The following COL3A1 variants were observed in gnomAD, a reference collection of about 807,000 sequenced individuals.
COL3A1 encodes the protein collagen type III alpha 1 chain.
Under a neutral mutation model 200.9 loss-of-function variants are expected in COL3A1, and 46 were observed. That is an observed-to-expected ratio of 0.23 (90% CI 0.18 to 0.29). The LOEUF is 0.29. COL3A1 is among the 10% of genes least tolerant of loss of function. The probability of loss-of-function intolerance (pLI) is 1.00; values close to 1 mark genes in which losing one functional copy is unlikely to be tolerated. For missense variants in COL3A1, 1,367 were observed against 1,917.6 expected (o/e 0.71, Z 5.36); for synonymous variants, 650 against 628.0 (o/e 1.03, Z -0.52).
chr2:188,979,800 A>G (rs1365953993), intron 1 of COL3A1, among the ~76,000 whole-genome samples: 1 of 151,822 alleles, frequency 6.6e-6, no homozygotes, highest in Non-Finnish European at 1.5e-5. Context: ...GAAAGAAAAT[A>G]GAATGCAGTA....
chr2:188,999,651 A>G, intron 31 of COL3A1, 74 bp downstream of exon 31: 2 of 1,498,122 alleles, frequency 1.3e-6, no homozygotes, highest in Non-Finnish European at 1.9e-6. Flanking sequence ...CACTCCTGGA[A>G]AGTAATCGAC....
At chr2:188,989,322 A>G (rs1483039048) in intron 7 of COL3A1, 74 bp from the exon 8 acceptor site, 3 of 1,091,936 alleles carry the variant, frequency 2.7e-6, no homozygotes, top group African/African-American at 3.2e-5. Context: ...TTCCAGGAAT[A>G]CATACACTGT....
At chr2:188,987,993 T>TA in intron 5 of COL3A1, 88 bp from the exon 6 acceptor site, 1 of 992,646 alleles carries the variant, frequency 1.0e-6, no homozygotes, top group Non-Finnish European at 1.6e-6. Context: ...TTCATAGTTT[T>TA]AACAATGCGA....
chr2:188,999,904 T>C lies in COL3A1; in HGVS notation c.2283+9T>C. On this transcript the variant is annotated intron_variant, in intron 32 of 50. Coordinates refer to ENST00000304636, the MANE Select transcript of COL3A1 (RefSeq NM_000090.4). ...GGAAAGATGGCCCAAGGGTGAGTAT[T>C]CCCAGTGAGGAGAAGCAGGCCTTAT... The C allele has an allele frequency of 6.3e-7, 1 of 1,584,646 alleles. No individual in the cohort carries two copies. Among genetic ancestry groups the C allele is most frequent in the Non-Finnish European group, 8.6e-7 (1 of 1,166,052 alleles).
rs775636888 is a variant in COL3A1, at chr2:188,984,938, A to T, written c.258A>T (p.Ala86=). The change falls in exon 2 of 51, where the codon GCA becomes GCT. Residue 86 remains alanine (A), a synonymous_variant. Coordinates refer to ENST00000304636, the MANE Select transcript of COL3A1 (RefSeq NM_000090.4). Reference sequence around the variant, plus strand: ...AAATTCCATTTGGAGAATGTTGTGCAGTTTGCCCACAGCCTCCAACTGCTG... The same window carrying T: ...AAATTCCATTTGGAGAATGTTGTGCTGTTTGCCCACAGCCTCCAACTGCTG... The part of the protein sequence containing the change: ...NPEIPFGECC[A]VCPQPPTAPT... 1 of 1,613,080 alleles carries T rather than the reference A, an allele frequency of 6.2e-7. No homozygotes were observed. Among genetic ancestry groups the T allele is most frequent in the Non-Finnish European group, 8.5e-7 (1 of 1,179,386 alleles).
intron 43 of COL3A1, 65 bp from the exon 44 acceptor site, chr2:189,006,872 G>A (rs1292714262): frequency 1.2e-5 from 18 of 1,524,862 alleles, no homozygotes; most frequent in South Asian, 2.3e-5. Context: ...TTTTGAAAAC[G>A]AAATTGTGTC....
chr2:188,986,946 C>A, intron 4 of COL3A1, 113 bp from the exon 5 acceptor site: 1 of 889,806 alleles, frequency 1.1e-6, no homozygotes, highest in African/African-American at 1.6e-5. Context: ...CATCTTTTGG[C>A]ACACAAAAAC....
At chr2:188,989,273 TATC>T in intron 7 of COL3A1, 120 bp from the exon 8 acceptor site, 2 of 684,012 alleles carry the variant, frequency 2.9e-6, no homozygotes, top group Non-Finnish European at 5.0e-6. Context: ...TCATTTTCAT[TATC>T]AGAAACATTA....
intron 50 of COL3A1, among the ~76,000 whole-genome samples, chr2:189,011,399 A>G (rs1164988154): frequency 6.6e-6 from 1 of 152,220 alleles, no homozygotes; most frequent in Admixed American, 6.5e-5. Flanking sequence ...GTCTATAGCA[A>G]TTGCCCTGCT....
At chr2:188,998,963 G>A (rs1329169046) in intron 29 of COL3A1, among the ~76,000 whole-genome samples, 3 of 152,138 alleles carry the variant, frequency 2.0e-5, no homozygotes, top group Non-Finnish European at 2.9e-5. Context: ...AATTTCAAAC[G>A]GAAAAATATT....
chr2:189,000,164 C>A (rs921322872), intron 32 of COL3A1, among the ~76,000 whole-genome samples: 2 of 152,094 alleles, frequency 1.3e-5, no homozygotes, highest in African/African-American at 4.8e-5. Flanking sequence ...CTGAGATAAT[C>A]ACTGAAATTT....
At chr2:188,980,140 A>G (rs1687919221) in intron 1 of COL3A1, among the ~76,000 whole-genome samples, 1 of 151,688 alleles carries the variant, frequency 6.6e-6, no homozygotes, top group Non-Finnish European at 1.5e-5. Context: ...TATTTATAAG[A>G]CTATACAATT....
Position 189,003,440 on chromosome 2 carries a change from T to A in COL3A1, c.2583T>A (p.Gly861=). 6.2e-7 allele frequency: 1 copy of A among 1,613,964 alleles called. No homozygotes were observed. Among genetic ancestry groups the A allele is most frequent in the Non-Finnish European group, 8.5e-7 (1 of 1,179,904 alleles). Residue 861 remains glycine, a synonymous_variant, in exon 37 of 51, where the codon GGT becomes GGA. Coordinates refer to ENST00000304636, the MANE Select transcript of COL3A1 (RefSeq NM_000090.4). ...AGPPGPQGVK[G]ERGSPGGPGA... Reference sequence around the variant, plus strand: ...CTCCTGGTCCCCAAGGTGTCAAAGGTGAACGTGGCAGTCCTGGTGGACCTG... The same window carrying A: ...CTCCTGGTCCCCAAGGTGTCAAAGGAGAACGTGGCAGTCCTGGTGGACCTG...
At position 188,994,705 on chromosome 2, in the gene COL3A1, C is replaced by T; in HGVS notation, c.1348-19C>T. 6 of 1,604,400 alleles carry T rather than the reference C, an allele frequency of 3.7e-6. No homozygotes were observed. Among genetic ancestry groups the T allele is most frequent in the Non-Finnish European group, 3.4e-6 (4 of 1,173,332 alleles). On this transcript the variant is annotated intron_variant, in intron 19 of 50. Coordinates refer to ENST00000304636, the MANE Select transcript of COL3A1 (RefSeq NM_000090.4). This position sits in a 1 kb window ranked among gnomAD's most constrained non-coding sequence, Gnocchi z 4.5. ...TTCAGTCATAATTTCTTTATTTTAC[C>T]ATCTTTTTTTTTTTTCAGGGTGAGG...
rs752779311 is a variant in COL3A1 at position 188,999,941 on chromosome 2, A to G, written c.2283+46A>G. The G allele has an allele frequency of 4.5e-6, 7 of 1,546,912 alleles. 1 individual carries two copies. The East Asian group carries it at 1.4e-4, about 31-fold the overall frequency. On this transcript the variant is annotated intron_variant, in intron 32 of 50. Coordinates refer to ENST00000304636, the MANE Select transcript of COL3A1 (RefSeq NM_000090.4). ...GAAGCAGGCCTTATCTATATGTCAT[A>G]TGGGACAGTCCTGCACTTCAACTTT...
Position 188,987,104 on chromosome 2 carries a change from G to C in COL3A1, c.493G>C (p.Ala165Pro). ...YDSYDVKSGV[A>P]VGGLAGYPGP... is the part of the protein sequence containing the mutation. ...TTCATATGATGTCAAGTCTGGAGTA[G>C]CAGTAGGAGGACTCGCAGGCTATCC... Residue 165 changes from alanine (A) to proline (P), a missense_variant, in exon 5 of 51, where the codon GCA becomes CCA. This residue lies in a region of COL3A1 where 462 missense variants were observed against 681.4 expected (regional missense o/e 0.68). Transcript: ENST00000304636. The C allele has an allele frequency of 6.2e-7, 1 of 1,613,066 alleles. No homozygotes were observed. Among genetic ancestry groups the C allele is most frequent in the Non-Finnish European group, 8.5e-7 (1 of 1,179,276 alleles).
rs773761078 is a variant in COL3A1 at position 189,001,429 on chromosome 2, A to G, written c.2316A>G (p.Pro772=). Residue 772 remains proline, a synonymous_variant, in exon 33 of 51, where the codon CCA becomes CCG. Transcript: ENST00000304636. The part of the protein sequence containing the change: ...GPTGPIGPPG[P]AGQPGDKGEG... ...CTGGTCCTATTGGTCCTCCTGGCCC[A>G]GCTGGCCAGCCTGGAGATAAGGTAA... 3 of 1,614,024 alleles carry G rather than the reference A, an allele frequency of 1.9e-6. No homozygotes were observed. Among genetic ancestry groups the G allele is most frequent in the Non-Finnish European group, 2.5e-6 (3 of 1,179,876 alleles).
chr2:188,983,319 C>T (rs1278084064), intron 1 of COL3A1, among the ~76,000 whole-genome samples: 2 of 151,860 alleles, frequency 1.3e-5, no homozygotes, highest in African/African-American at 4.8e-5. Context: ...ATTTTTAAAA[C>T]TTCTTGAGTA....
rs774146040 is a variant in COL3A1, at chr2:188,996,420, G to A, written c.1685G>A (p.Arg562Gln). ...GPPGSQGESGRPGPPGPSGPR... is the reference protein window; with the variant it reads ...GPPGSQGESGQPGPPGPSGPR... ...TAGGGAAGTCAAGGAGAAAGTGGTC[G>A]ACCAGGTCCTCCTGGGCCATCTGGT... Residue 562 changes from arginine to glutamine, a missense_variant, in exon 24 of 51, where the codon CGA (arginine) becomes CAA (glutamine). Arg to Gln is a conservative substitution (Grantham distance 43). Around this residue, in one of 5 missense-constraint regions of COL3A1, gnomAD observed 462 missense variants for 681.4 expected, o/e 0.68. Transcript: ENST00000304636. 4.3e-6 allele frequency: 7 copies of A among 1,613,578 alleles called. No homozygotes were observed. Among genetic ancestry groups the A allele is most frequent in the African/African-American group, 1.3e-5 (1 of 74,802 alleles).
Sources: gnomAD v4.1 joint callset for allele counts (sites outside exome capture counted in the v4.1 genomes callset) on GRCh38, gnomAD v4.1.1 for gene constraint, gnomAD v4.1.1 regional missense constraint, Gnocchi (gnomAD v3.1) non-coding constraint, MANE v1.5 for transcripts, NCBI Gene and HGNC (gene_info 2026-07-23, HGNC 2026-07-21) for gene names.